The following FERMT3 variants were observed in gnomAD, a reference collection of about 807,000 sequenced individuals.
The protein encoded by FERMT3 is fermitin family homolog 3.
In FERMT3, 33 loss-of-function variants were observed where a neutral mutation model predicts 80.8. That is an observed-to-expected ratio of 0.41 (90% CI 0.31 to 0.55). FERMT3 has a LOEUF of 0.55. Among genes scored for constraint, FERMT3 ranks in the 20% least tolerant of loss-of-function variants. FERMT3 has a pLI of 0.31. For missense variants in FERMT3, 754 were observed against 908.7 expected (o/e 0.83, Z 2.19); for synonymous variants, 375 against 372.2 (o/e 1.01, Z -0.09).
chr11:64,212,019 G>A (rs1946453666), intron 6 of FERMT3, among the ~76,000 whole-genome samples: 2 of 152,208 alleles, frequency 1.3e-5, no homozygotes, highest in South Asian at 4.1e-4. Flanking sequence ...TGTCAGGGAG[G>A]AAGCTAAGAC....
At chr11:64,212,769 C>T (rs992931191) in intron 6 of FERMT3, among the ~76,000 whole-genome samples, 1 of 152,098 alleles carries the variant, frequency 6.6e-6, no homozygotes, top group African/African-American at 2.4e-5. Flanking sequence ...TGGGCCTCTG[C>T]TCTCTCCTCT....
chr11:64,223,416 C>CG lies in FERMT3; in HGVS notation c.1917dup (p.Arg640AlafsTer11). On this transcript the variant is annotated frameshift_variant, in exon 15 of 15. Transcript: ENST00000345728. LOFTEE classifies it high-confidence loss of function. ...ATCGGGGGCTACATTTTCCTGTCGACGCGGGAGCGGGCCCGTGGGGAGGAG... is the reference window on the plus strand; with the variant it reads ...ATCGGGGGCTACATTTTCCTGTCGACGGCGGGAGCGGGCCCGTGGGGAGGAG... The CG allele has an allele frequency of 6.2e-7, 1 of 1,613,638 alleles. No homozygotes were observed. The highest frequency in any genetic ancestry group is 8.5e-7 in the Non-Finnish European group (1 of 1,180,024).
Position 64,210,717 on chromosome 11 carries a change from A to C in FERMT3, c.267A>C (p.Ala89=). Residue 89 remains alanine, a synonymous_variant, in exon 3 of 15, where the codon GCA becomes GCC. Coordinates refer to ENST00000345728, the MANE Select transcript of FERMT3 (RefSeq NM_031471.6). The surrounding 1 kb of genome is among the most constrained non-coding windows in gnomAD (Gnocchi z 4.3). ...TLDKYGILAD[A]RLFFGPQHRP... ...ACAAGTACGGGATCCTGGCCGACGC[A>C]CGCCTCTTCTTTGGGCCCCAGCACC... 1 of 1,614,126 alleles carries C rather than the reference A, an allele frequency of 6.2e-7. No individual in the cohort carries two copies. Among genetic ancestry groups the C allele is most frequent in the Admixed American group, 1.7e-5 (1 of 60,020 alleles).
rs763802995 is a variant in FERMT3, at chr11:64,210,340, G to A, written c.161-271G>A. Among the ~76,000 whole-genome samples the A allele has an allele frequency of 6.6e-6, 1 of 152,194 alleles. No homozygotes were observed. The highest frequency in any genetic ancestry group is 2.1e-4 in the South Asian group (1 of 4,830). On this transcript the variant is annotated intron_variant, in intron 2 of 14. Transcript: ENST00000345728. This position sits in a 1 kb window ranked among gnomAD's most constrained non-coding sequence, Gnocchi z 4.3. The stretch of plus-strand genomic sequence containing the variant: ...TGGGCTGGAATGCAAGAGATGGGGC[G>A]CTAAGATTGGGGCACTCAGATGCTG...
At chr11:64,220,409 A>T in intron 11 of FERMT3, 27 bp from the exon 12 acceptor site, 1 of 1,609,520 alleles carries the variant, frequency 6.2e-7, no homozygotes, top group Non-Finnish European at 8.5e-7. Flanking sequence ...CTTGGTTAGC[A>T]CTGTCCCCCT....
intron 6 of FERMT3, among the ~76,000 whole-genome samples, chr11:64,213,020 A>G (rs1946475633): frequency 6.6e-6 from 1 of 151,324 alleles, no homozygotes; most frequent in African/African-American, 2.4e-5. Context: ...CAGCTCCCCA[A>G]GTAGCTGGGA....
At chr11:64,215,427 T>C (rs1410038160) in intron 6 of FERMT3, among the ~76,000 whole-genome samples, 3 of 152,232 alleles carry the variant, frequency 2.0e-5, no homozygotes, top group Non-Finnish European at 2.9e-5. Context: ...AGGAGTTCTT[T>C]ATATATTCTG....
At chr11:64,215,170 C>T (rs148271005) in intron 6 of FERMT3, among the ~76,000 whole-genome samples, 3 of 152,290 alleles carry the variant, frequency 2.0e-5, no homozygotes, top group African/African-American at 7.2e-5. Context: ...AGTTTTAGAA[C>T]ATTTCCACTG....
In FERMT3 at chr11:64,207,705, C is replaced by T. The variant is rs986353899; in HGVS notation, c.160+181C>T. The T allele has an allele frequency of 5.0e-5, 34 of 685,332 alleles. No homozygotes were observed. The African/African-American group carries it at 5.4e-4, about 11-fold the overall frequency. 42.5% of individuals were successfully genotyped at this position (685,332 alleles called of 1,614,324 possible). ...TTCCCCAACTTCCTCTCCCTCCCAC[C>T]CTCTTCCCTCCCTCCCTTCTGCTGC... On this transcript the variant is annotated intron_variant, in intron 2 of 14. Transcript: ENST00000345728.
rs940687313 is a variant in FERMT3, at chr11:64,211,482, C to G, written c.683+39C>G. ...CCACGCCCCCTGTGTCAGGGCTCCC[C>G]CACCCAGGATCCACCCCCTGTCCCG... On this transcript the variant is annotated intron_variant, in intron 5 of 14. Transcript: ENST00000345728. The surrounding 1 kb of genome is among the most constrained non-coding windows in gnomAD (Gnocchi z 4.7). The G allele has an allele frequency of 6.5e-7, 1 of 1,547,552 alleles. No individual in the cohort carries two copies. Among genetic ancestry groups the G allele is most frequent in the African/African-American group, 1.4e-5 (1 of 73,420 alleles).
In FERMT3 at chr11:64,211,612, G is replaced by C. The variant is rs1460112752; in HGVS notation, c.684-33G>C. ...TCCCCACCCCACGGCCGTACCTGGC[G>C]CAGCCCTGACTGCTGCTTCTGCCGC... On this transcript the variant is annotated intron_variant, in intron 5 of 14. Coordinates refer to ENST00000345728, the MANE Select transcript of FERMT3 (RefSeq NM_031471.6). The surrounding 1 kb of genome is among the most constrained non-coding windows in gnomAD (Gnocchi z 4.7). 1 of 1,607,442 alleles carries C rather than the reference G, an allele frequency of 6.2e-7. No individual in the cohort carries two copies. The highest frequency in any genetic ancestry group is 2.2e-5 in the East Asian group (1 of 44,844).
Position 64,207,538 on chromosome 11 carries a change from G to A in FERMT3, c.160+14G>A, listed in dbSNP as rs368140133. On this transcript the variant is annotated intron_variant, in intron 2 of 14. Transcript: ENST00000345728. ...TGGAGCAGATCAGTGAGTGTCCGCT[G>A]CCCGCTTGCTGAACTCGGCACCATG... The A allele has an allele frequency of 5.0e-6, 8 of 1,591,448 alleles. No homozygotes were observed. The African/African-American group carries it at 9.4e-5, about 19-fold the overall frequency.
intron 6 of FERMT3, among the ~76,000 whole-genome samples, chr11:64,217,562 TTGTC>T (rs1946578467): frequency 6.6e-6 from 1 of 151,604 alleles, no homozygotes; most frequent in African/African-American, 2.4e-5. Context: ...AAAAAAAAAA[TTGTC>T]TGTTTTCACC....
At chr11:64,207,234 C>T in intron 1 of FERMT3, 117 bp from the exon 2 acceptor site, 1 of 1,234,786 alleles carries the variant, frequency 8.1e-7, no homozygotes, top group South Asian at 1.3e-5. Flanking sequence ...CTCACTCCCG[C>T]CCTCCTTCAT....
intron 2 of FERMT3, among the ~76,000 whole-genome samples, chr11:64,209,340 G>C (rs539266798): frequency 7.4e-4 from 113 of 152,334 alleles, no homozygotes; most frequent in African/African-American, 2.5e-3. Context: ...CAGCACATGG[G>C]TTTCTGGCTG....
intron 12 of FERMT3, 64 bp from the exon 13 acceptor site, chr11:64,220,952 G>C: frequency 6.3e-7 from 1 of 1,586,384 alleles, no homozygotes; most frequent in Non-Finnish European, 8.6e-7. Context: ...GGGGAGGTGG[G>C]GGCTCGGTGA....
At chr11:64,209,313 A>G (rs1214644793) in intron 2 of FERMT3, among the ~76,000 whole-genome samples, 1 of 152,178 alleles carries the variant, frequency 6.6e-6, no homozygotes, top group Non-Finnish European at 1.5e-5. Flanking sequence ...AAGCCGGTGG[A>G]CAGGCCCCTC....
intron 6 of FERMT3, among the ~76,000 whole-genome samples, chr11:64,218,073 G>A (rs1398417352): frequency 1.4e-5 from 2 of 139,854 alleles, no homozygotes; most frequent in African/African-American, 2.7e-5. Context: ...GCACGATCTC[G>A]GCTCACTGCA....
chr11:64,221,067 G>T lies in FERMT3; in HGVS notation c.1597G>T (p.Ala533Ser). ...AHQNVAQLSL[A>S]EAQLRFIQAW... ...CCAGAATGTGGCCCAGTTGTCGCTG[G>T]CAGAGGCCCAGCTGCGCTTCATCCA... Residue 533 changes from alanine (A) to serine (S), a missense_variant, in exon 13 of 15, where the codon GCA becomes TCA. Ala to Ser is a moderately conservative substitution (Grantham distance 99, BLOSUM62 1). Coordinates refer to ENST00000345728, the MANE Select transcript of FERMT3 (RefSeq NM_031471.6). 1.2e-6 allele frequency: 2 copies of T among 1,612,634 alleles called. No homozygotes were observed. Among genetic ancestry groups the T allele is most frequent in the East Asian group, 2.2e-5 (1 of 44,888 alleles).
Sources: gnomAD v4.1 joint callset for allele counts (sites outside exome capture counted in the v4.1 genomes callset) on GRCh38, gnomAD v4.1.1 for gene constraint, Gnocchi (gnomAD v3.1) non-coding constraint, MANE v1.5 for transcripts, NCBI Gene and HGNC (gene_info 2026-07-23, HGNC 2026-07-21) for gene names.